Variants in MAP2K5 observed in about 807,000 individuals in gnomAD.
MAP2K5 encodes the protein mitogen-activated protein kinase kinase 5, also known as dual specificity mitogen-activated protein kinase kinase 5.
In MAP2K5, 49 loss-of-function variants were observed where a neutral mutation model predicts 83.1. The observed-to-expected ratio is 0.59, with a 90% CI of 0.47 to 0.75. The LOEUF (loss-of-function observed/expected upper bound fraction) is 0.75, where lower values mean the gene tolerates loss of function less well. Among genes scored for constraint, MAP2K5 ranks in the 30% least tolerant of loss-of-function variants. The probability of loss-of-function intolerance (pLI) is 0.00; values close to 1 mark genes in which losing one functional copy is unlikely to be tolerated. For synonymous variants in MAP2K5, 202 were observed against 191.8 expected (o/e 1.05, Z -0.44); for missense variants, 457 against 557.5 (o/e 0.82, Z 1.82).
In MAP2K5 at chr15:67,801,793, C is replaced by T. The variant is rs1236793414; in HGVS notation, c.1243-4853C>T. ...TATAGAAGTCACCTTTTCATGAGGG[C>T]CTACCACATGCAGGCATTGCACCAG... On this transcript the variant is annotated intron_variant, in intron 21 of 21. Coordinates refer to ENST00000178640, the MANE Select transcript of MAP2K5 (RefSeq NM_145160.3). This position sits in a 1 kb window ranked among gnomAD's most constrained non-coding sequence, Gnocchi z 4.8. Among the ~76,000 whole-genome samples, 1 of 152,178 alleles carries T rather than the reference C, an allele frequency of 6.6e-6. No homozygotes were observed. Among genetic ancestry groups the T allele is most frequent in the Non-Finnish European group, 1.5e-5 (1 of 68,022 alleles).
chr15:67,726,046 G>A (rs2089087088), intron 16 of MAP2K5, among the ~76,000 whole-genome samples: 1 of 152,176 alleles, frequency 6.6e-6, no homozygotes, highest in Admixed American at 6.5e-5. Context: ...TGATGTTTTT[G>A]TTATGTACAG....
chr15:67,673,888 G>A (rs574276377), intron 13 of MAP2K5, among the ~76,000 whole-genome samples: 99 of 151,998 alleles, frequency 6.5e-4, no homozygotes, highest in Non-Finnish European at 1.1e-3. Flanking sequence ...TCACTCTGCC[G>A]CCCAGGCTGG....
intron 3 of MAP2K5, among the ~76,000 whole-genome samples, chr15:67,566,335 C>T (rs569557103): frequency 1.4e-4 from 21 of 152,132 alleles, no homozygotes; most frequent in East Asian, 9.7e-4. Context: ...CCACCACGCA[C>T]GGCTAATTTT....
In MAP2K5 at chr15:67,746,897, G is replaced by C. The variant is rs1430188295; in HGVS notation, c.1075-1334G>C. The stretch of plus-strand genomic sequence containing the variant: ...TCAGCCACATGGATGCAAAAGAAAT[G>C]CATAAACATAGCTGCAGCTCTTGAG... On this transcript the variant is annotated intron_variant, in intron 17 of 21. Coordinates refer to ENST00000178640, the MANE Select transcript of MAP2K5 (RefSeq NM_145160.3). This position sits in a 1 kb window ranked among gnomAD's most constrained non-coding sequence, Gnocchi z 4.1. 1.3e-5 allele frequency among the ~76,000 whole-genome samples: 2 copies of C among 152,204 alleles called. No individual in the cohort carries two copies. Among genetic ancestry groups the C allele is most frequent in the Non-Finnish European group, 2.9e-5 (2 of 68,024 alleles).
chr15:67,700,145 C>T (rs1434502341), intron 15 of MAP2K5, among the ~76,000 whole-genome samples: 2 of 152,104 alleles, frequency 1.3e-5, no homozygotes, highest in East Asian at 1.9e-4. Context: ...TGACAAATAT[C>T]GTTGTAAACA....
Position 67,802,171 on chromosome 15 carries a change from G to A in MAP2K5, c.1243-4475G>A, listed in dbSNP as rs1294104253. Among the ~76,000 whole-genome samples the A allele has an allele frequency of 6.6e-6, 1 of 152,200 alleles. No individual in the cohort carries two copies. The highest frequency in any genetic ancestry group is 6.5e-5 in the Admixed American group (1 of 15,276). On this transcript the variant is annotated intron_variant, in intron 21 of 21. Transcript: ENST00000178640. The surrounding 1 kb of genome is among the most constrained non-coding windows in gnomAD (Gnocchi z 5.0). ...GCATCTCAGCACAGTGGAACATGTG[G>A]CCAGGAATTAGGGACGTTAGTACAG...
chr15:67,744,033 G>A (rs1323863691), intron 17 of MAP2K5, among the ~76,000 whole-genome samples: 2 of 152,180 alleles, frequency 1.3e-5, no homozygotes, highest in African/African-American at 2.4e-5. Context: ...GACTTTGAGC[G>A]CTGCTCCCCT....
At chr15:67,691,314 G>A (rs761158173) in intron 13 of MAP2K5, among the ~76,000 whole-genome samples, 10 of 152,188 alleles carry the variant, frequency 6.6e-5, no homozygotes, top group Non-Finnish European at 1.0e-4. Context: ...ATAATATTTA[G>A]CAGGCTAAAT....
chr15:67,576,687 A>G (rs6494672), intron 3 of MAP2K5, among the ~76,000 whole-genome samples: 69,282 of 146,572 alleles, frequency 0.47, 21,176 homozygotes, highest in Non-Finnish European at 0.59. Flanking sequence ...GAGAAAACAT[A>G]TTTTATAATT....
rs2085097831 is a variant in MAP2K5 at position 67,577,917 on chromosome 15, T to C, written c.253-2837T>C. 6.6e-6 allele frequency among the ~76,000 whole-genome samples: 1 copy of C among 152,154 alleles called. No homozygotes were observed. Among genetic ancestry groups the C allele is most frequent in the African/African-American group, 2.4e-5 (1 of 41,432 alleles). On this transcript the variant is annotated intron_variant, in intron 3 of 21. Coordinates refer to ENST00000178640, the MANE Select transcript of MAP2K5 (RefSeq NM_145160.3). The surrounding 1 kb of genome is among the most constrained non-coding windows in gnomAD (Gnocchi z 4.1). ...TGGGAGGCTGAGGCAGGAGAATTGC[T>C]TGAACCTGGGAGGTGTAGGTTGCAG...
At chr15:67,641,856 G>A (rs1287641911) in intron 9 of MAP2K5, among the ~76,000 whole-genome samples, 1 of 152,176 alleles carries the variant, frequency 6.6e-6, no homozygotes, top group African/African-American at 2.4e-5. Flanking sequence ...AATTGGATTT[G>A]TTTATTTTTA....
chr15:67,730,227 T>C (rs1010221287), intron 17 of MAP2K5, among the ~76,000 whole-genome samples: 1 of 152,148 alleles, frequency 6.6e-6, no homozygotes, highest in Non-Finnish European at 1.5e-5. Flanking sequence ...CCCTCCCTTA[T>C]GCCCTCAAAA....
At chr15:67,582,656 C>A (rs2085204172) in intron 4 of MAP2K5, among the ~76,000 whole-genome samples, 1 of 151,858 alleles carries the variant, frequency 6.6e-6, no homozygotes, top group Non-Finnish European at 1.5e-5. Context: ...CCTGTCTCTA[C>A]CAAAAAAATA....
rs575707733 is a variant in MAP2K5 at position 67,549,887 on chromosome 15, CTAAG to C, written c.136-145_136-142del. The C allele has an allele frequency of 8.2e-5, 51 of 620,094 alleles. No homozygotes were observed. In the African/African-American group the frequency reaches 8.6e-4, roughly 10 times the overall value. The allele number at this position is 620,094 out of a possible 1,614,324, so 38.4% of individuals were successfully genotyped here. ...TAAACTCTGGGTTTACGTTGCTGGG[CTAAG>C]TGTGATTATGAGCTAATGTTTTTAT... On this transcript the variant is annotated intron_variant, in intron 1 of 21. Transcript: ENST00000178640.
chr15:67,596,474 A>C (rs1170094911), intron 7 of MAP2K5, among the ~76,000 whole-genome samples: 3 of 152,230 alleles, frequency 2.0e-5, no homozygotes, highest in Admixed American at 6.5e-5. Flanking sequence ...GGGAGGGGGA[A>C]TATATATCTA....
chr15:67,634,393 A>AAT (rs1567324881), intron 9 of MAP2K5, among the ~76,000 whole-genome samples: 1,085 of 105,294 alleles, frequency 0.01, 15 homozygotes, highest in Non-Finnish European at 0.019. Context: ...AAAAAAAAAA[A>AAT]AAAAAAAAAA....
rs541434448 is a variant in MAP2K5, at chr15:67,631,356, C to T, written c.585+429C>T. ...CTATTCCCATCCCCATTGCCATGGT[C>T]TTGGATCGGGCTCACATTACCTCCT... On this transcript the variant is annotated intron_variant, in intron 9 of 21. Coordinates refer to ENST00000178640, the MANE Select transcript of MAP2K5 (RefSeq NM_145160.3). Among the ~76,000 whole-genome samples, 5 of 152,330 alleles carry T rather than the reference C, an allele frequency of 3.3e-5. No individual in the cohort carries two copies. In the South Asian group the frequency reaches 1.0e-3, roughly 32 times the overall value.
At chr15:67,664,789 A>G (rs960362517) in intron 13 of MAP2K5, 144 bp downstream of exon 13, 1 of 489,308 alleles carries the variant, frequency 2.0e-6, no homozygotes, top group Non-Finnish European at 3.7e-6. Flanking sequence ...TATAAATGTT[A>G]TTTTTCTTGT....
intron 20 of MAP2K5, among the ~76,000 whole-genome samples, 194 bp from the exon 21 acceptor site, chr15:67,772,513 T>C (rs1401233235): frequency 6.6e-6 from 1 of 152,232 alleles, no homozygotes; most frequent in Non-Finnish European, 1.5e-5. Context: ...TTACTCATAA[T>C]GTCCCCCAGA....
Sources: gnomAD v4.1 joint callset for allele counts (sites outside exome capture counted in the v4.1 genomes callset) on GRCh38, gnomAD v4.1.1 for gene constraint, Gnocchi (gnomAD v3.1) non-coding constraint, MANE v1.5 for transcripts, NCBI Gene and HGNC (gene_info 2026-07-23, HGNC 2026-07-21) for gene names.